CRY2: variants seen among roughly 807,000 people sequenced by gnomAD.
CRY2 encodes cryptochrome-2.
Under a neutral mutation model 69.5 loss-of-function variants are expected in CRY2, and 31 were observed. That is an observed-to-expected ratio of 0.45 (90% confidence interval 0.34 to 0.60). The LOEUF (loss-of-function observed/expected upper bound fraction) is 0.60. Ranked by LOEUF, CRY2 falls within the 20% of genes least tolerant of loss-of-function variation. The pLI is 0.02. For missense variants in CRY2, 606 were observed against 797.8 expected, an observed-to-expected ratio of 0.76 and a Z score of 2.90; for synonymous variants, 303 against 312.2, an observed-to-expected ratio of 0.97 and a Z score of 0.31.
Position 45,860,863 on chromosome 11 carries a change from T to C in CRY2, c.483T>C (p.Asn161=). 1 of 1,614,068 alleles carries C rather than the reference T, an allele frequency of 6.2e-7. No homozygotes were observed. Among genetic ancestry groups the C allele is most frequent in the Non-Finnish European group, 8.5e-7 (1 of 1,179,976 alleles). ...GGCTCCCCAGGATCATTGAGCTGAA[T>C]GGGCAGAAGCCACCCCTTACATACA... is the stretch of plus-strand genomic sequence containing the variant. The part of the protein sequence containing the change: ...LYDLDRIIEL[N]GQKPPLTYKR... Residue 161 remains asparagine (N), a synonymous_variant, in exon 4 of 12, where the codon AAT becomes AAC. Coordinates refer to ENST00000616080, the MANE Select transcript of CRY2 (RefSeq NM_021117.5).
At chr11:45,847,743 A>G (rs768419198) in intron 1 of CRY2, 38 bp downstream of exon 1, 113 of 1,520,180 alleles carry the variant, frequency 7.4e-5, no homozygotes, top group Non-Finnish European at 8.8e-5. Context: ...GGACGCAGCC[A>G]GGACCCTGAC....
rs7108896 is a variant in CRY2, at chr11:45,848,755, G to A, written c.215+1050G>A. Among the ~76,000 whole-genome samples, 1,174 of 152,280 alleles carry A rather than the reference G, an allele frequency of 7.7e-3. 21 individuals carry two copies. Among genetic ancestry groups the A allele is most frequent in the African/African-American group, 0.026 (1,073 of 41,554 alleles). The stretch of plus-strand genomic sequence containing the variant: ...TGCTTGTGGCCTTGTTGCATCGATG[G>A]ACAGGGTTATTTCCAGGATACCGTG... On this transcript the variant is annotated intron_variant, in intron 1 of 11. Transcript: ENST00000616080.
At position 45,868,127 on chromosome 11, in the gene CRY2, A is replaced by G. The variant is rs2086346220; in HGVS notation, c.882+375A>G. The stretch of plus-strand genomic sequence containing the variant: ...GAGCCAGTCTGAAGTGGAAGAGCAT[A>G]GCTGCCCGCTCTGGAGCTGTGTCCA... On this transcript the variant is annotated intron_variant, in intron 6 of 11. Coordinates refer to ENST00000616080, the MANE Select transcript of CRY2 (RefSeq NM_021117.5). Among the ~76,000 whole-genome samples the G allele has an allele frequency of 1.3e-5, 2 of 152,190 alleles. 1 individual carries two copies. Among genetic ancestry groups the G allele is most frequent in the South Asian group, 4.1e-4 (2 of 4,830 alleles).
intron 2 of CRY2, chr11:45,856,333 T>C (rs768608838): frequency 1.6e-4 from 76 of 462,142 alleles, no homozygotes; most frequent in Middle Eastern, 5.8e-4. Flanking sequence ...AGTCCAGACA[T>C]AGGATGTGGT....
intron 5 of CRY2, among the ~76,000 whole-genome samples, chr11:45,863,257 G>A (rs1214060350): frequency 2.0e-5 from 3 of 152,222 alleles, no homozygotes; most frequent in African/African-American, 7.2e-5. Context: ...CCAAGGGGCA[G>A]AAGGGTGGAG....
At chr11:45,871,999 C>A in intron 10 of CRY2, 93 bp from the exon 11 acceptor site, 1 of 1,514,068 alleles carries the variant, frequency 6.6e-7, no homozygotes, top group Non-Finnish European at 9.0e-7. Flanking sequence ...GATAAGTGTG[C>A]TCCCTGTCCC....
chr11:45,855,687 T>G (rs1405103012), intron 1 of CRY2, among the ~76,000 whole-genome samples: 1 of 152,234 alleles, frequency 6.6e-6, no homozygotes, highest in Non-Finnish European at 1.5e-5. Flanking sequence ...TTCTTAGCAA[T>G]TTTATGAGAT....
rs112582720 is a variant in CRY2 at position 45,858,047 on chromosome 11, C to A, written c.325-684C>A. 3.8e-3 allele frequency among the ~76,000 whole-genome samples: 575 copies of A among 152,290 alleles called. 3 individuals are homozygous for A. The highest frequency in any genetic ancestry group is 0.013 in the African/African-American group (547 of 41,556). On this transcript the variant is annotated intron_variant, in intron 2 of 11. Transcript: ENST00000616080. ...GGCTTTCTGTGGGTTGACTGTACAA[C>A]CATTCACTGGGCCAGCTTGCTATGA...
chr11:45,868,732 C>T (rs764762549), intron 6 of CRY2, among the ~76,000 whole-genome samples: 1 of 152,238 alleles, frequency 6.6e-6, no homozygotes, highest in African/African-American at 2.4e-5. Context: ...CTTTCAGGCT[C>T]AGGTGATCCT....
Position 45,869,587 on chromosome 11 carries a change from A to T in CRY2, c.964A>T (p.Asn322Tyr). Residue 322 changes from asparagine to tyrosine, a missense_variant, in exon 7 of 12, where the codon AAC becomes TAC. Physicochemically the swap from Asn to Tyr is moderately radical, Grantham distance 143. Coordinates refer to ENST00000616080, the MANE Select transcript of CRY2 (RefSeq NM_021117.5). The part of the protein sequence containing the change: ...REFFYTAATN[N>Y]PRFDRMEGNP... ...GTTCTTCTACACGGCAGCTACCAAC[A>T]ACCCCAGGTTTGACCGCATGGAGGG... The T allele has an allele frequency of 1.2e-6, 2 of 1,614,210 alleles. No homozygotes were observed. The highest frequency in any genetic ancestry group is 1.7e-6 in the Non-Finnish European group (2 of 1,180,042).
chr11:45,862,336 A>G (rs1258749174), intron 5 of CRY2, among the ~76,000 whole-genome samples, 188 bp downstream of exon 5: 1 of 152,240 alleles, frequency 6.6e-6, no homozygotes, highest in African/African-American at 2.4e-5. Flanking sequence ...AGTACTTACC[A>G]TGTGCTGGTC....
At chr11:45,857,037 G>A (rs781596414) in intron 2 of CRY2, among the ~76,000 whole-genome samples, 1 of 152,142 alleles carries the variant, frequency 6.6e-6, no homozygotes, top group Non-Finnish European at 1.5e-5. Context: ...CACAATGATT[G>A]TCATGCCCCT....
chr11:45,847,963 A>G (rs1413756318), intron 1 of CRY2, among the ~76,000 whole-genome samples: 1 of 152,186 alleles, frequency 6.6e-6, no homozygotes, highest in Non-Finnish European at 1.5e-5. Flanking sequence ...CGTTGTACAG[A>G]TGAGACCCTT....
At position 45,882,279 on chromosome 11, in the gene CRY2, T is replaced by TGTGC. The variant is rs1554959499; in HGVS notation, c.*1369_*1370insTGCG. 2.8e-5 allele frequency: 6 copies of TGTGC among 210,830 alleles called. No homozygotes were observed. The highest frequency in any genetic ancestry group is 1.4e-4 in the African/African-American group (6 of 43,636). The allele number at this position is 210,830 out of a possible 1,614,324, so 13.1% of individuals were successfully genotyped here. On this transcript the variant is annotated 3_prime_UTR_variant, in exon 12 of 12. Coordinates refer to ENST00000616080, the MANE Select transcript of CRY2 (RefSeq NM_021117.5). ...GAGCCACAAAGTGTGTGTGTGTGTGTGCGTGTGTGGTACGTGTGTGTGTGT... is the reference window on the plus strand; with the variant it reads ...GAGCCACAAAGTGTGTGTGTGTGTGTGTGCGCGTGTGTGGTACGTGTGTGTGTGT...
chr11:45,879,599 T>G (rs1006987850), intron 11 of CRY2, among the ~76,000 whole-genome samples: 1 of 152,246 alleles, frequency 6.6e-6, no homozygotes, highest in Non-Finnish European at 1.5e-5. Flanking sequence ...GATGTGGATT[T>G]CCTTTTTTGG....
At chr11:45,879,508 T>G (rs570061767) in intron 11 of CRY2, among the ~76,000 whole-genome samples, 3 of 152,264 alleles carry the variant, frequency 2.0e-5, no homozygotes, top group Non-Finnish European at 4.4e-5. Context: ...TCTAAAAGTC[T>G]TCTTCTCTAA....
At position 45,869,851 on chromosome 11, in the gene CRY2, C is replaced by A. The variant is rs1423689075; in HGVS notation, c.1194+34C>A. On this transcript the variant is annotated intron_variant, in intron 7 of 11. Coordinates refer to ENST00000616080, the MANE Select transcript of CRY2 (RefSeq NM_021117.5). ...TCTCTCAACGAAAAGCTGGCCTGTA[C>A]CCTCTGGTCAGGCCCGTCAAAGGGC... 2.5e-6 allele frequency: 4 copies of A among 1,575,152 alleles called. 1 individual carries two copies. The Admixed American group carries it at 5.2e-5, about 21-fold the overall frequency.
Position 45,872,198 on chromosome 11 carries a change from G to A in CRY2, c.1749G>A (p.Leu583=), listed in dbSNP as rs775799551. ...ELSKRARVAE[L]PTPELPSKDA ...GCAAACGGGCCCGGGTGGCAGAGTTGCCAACCCCAGAGCTGCCGAGCAAGG... is the reference window on the plus strand; with the variant it reads ...GCAAACGGGCCCGGGTGGCAGAGTTACCAACCCCAGAGCTGCCGAGCAAGG... Residue 583 remains leucine (L), a synonymous_variant, in exon 11 of 12, where the codon TTG becomes TTA. Transcript: ENST00000616080. 33 of 1,613,980 alleles carry A rather than the reference G, an allele frequency of 2.0e-5. No individual in the cohort carries two copies. Among genetic ancestry groups the A allele is most frequent in the Non-Finnish European group, 2.5e-5 (30 of 1,180,012 alleles).
rs1382038377 is a variant in CRY2, at chr11:45,861,972, C to T, written c.653-88C>T. 1.3e-5 allele frequency: 15 copies of T among 1,146,980 alleles called. No individual in the cohort carries two copies. In the East Asian group the frequency reaches 1.8e-4, roughly 14 times the overall value. The allele number at this position is 1,146,980 out of a possible 1,614,324, so 71.1% of individuals were successfully genotyped here. ...AGCACCGAGACACTGTGGTTCAATT[C>T]TCATAAAGTTCAAATAACAGAACAG... On this transcript the variant is annotated intron_variant, in intron 4 of 11. Transcript: ENST00000616080.
Sources: gnomAD v4.1 joint callset for allele counts (sites outside exome capture counted in the v4.1 genomes callset) on GRCh38, gnomAD v4.1.1 for gene constraint, MANE v1.5 for transcripts, NCBI Gene and HGNC (gene_info 2026-07-23, HGNC 2026-07-21) for gene names.